Variants in ELFN2 observed in about 807,000 individuals in gnomAD.
ELFN2 encodes extracellular leucine rich repeat and fibronectin type III domain containing 2, also known as protein phosphatase 1 regulatory subunit 29.
A neutral mutation model predicts 45.5 loss-of-function variants in ELFN2; 17 were observed. The observed-to-expected ratio is 0.37, with a 90% CI of 0.26 to 0.56. ELFN2 has a LOEUF of 0.56. ELFN2 is among the 20% of genes least tolerant of loss of function. ELFN2 has a pLI of 0.77. For missense variants in ELFN2, 922 were observed against 1,183.2 expected, an observed-to-expected ratio of 0.78 and a Z score of 3.24; for synonymous variants, 550 against 551.5, an observed-to-expected ratio of 1.00 and a Z score of 0.04.
intron 2 of ELFN2, among the ~76,000 whole-genome samples, chr22:37,395,850 G>A (rs548365397): frequency 2.6e-5 from 4 of 152,184 alleles, no homozygotes; most frequent in Admixed American, 2.0e-4. Context: ...GGAGCCACCT[G>A]TTCAGGGCTC....
chr22:37,354,021 C>T (rs1465448734), intron 1 of ELFN2: 2 of 152,250 alleles, frequency 1.3e-5, no homozygotes, highest in Non-Finnish European at 2.9e-5. Flanking sequence ...AAATGTCCAT[C>T]AACGGTTGAA....
intron 1 of ELFN2, among the ~76,000 whole-genome samples, chr22:37,359,287 G>A (rs1931023977): frequency 1.3e-5 from 2 of 152,164 alleles, no homozygotes; most frequent in African/African-American, 4.8e-5. Context: ...TGAGGTCGCT[G>A]TCACTGACCC....
At chr22:37,395,345 T>C (rs2145664207) in intron 2 of ELFN2, among the ~76,000 whole-genome samples, 1 of 152,084 alleles carries the variant, frequency 6.6e-6, no homozygotes, top group East Asian at 1.9e-4. Flanking sequence ...CAGACCCAAG[T>C]AGGCATTTAC....
At chr22:37,411,651 A>G (rs1050565381) in intron 2 of ELFN2, among the ~76,000 whole-genome samples, 5 of 152,128 alleles carry the variant, frequency 3.3e-5, no homozygotes, top group African/African-American at 1.2e-4. Context: ...CCTACCTCCT[A>G]TGCTGGGTGG....
At chr22:37,425,806 C>T (rs900201777) in intron 1 of ELFN2, among the ~76,000 whole-genome samples, 3 of 151,884 alleles carry the variant, frequency 2.0e-5, no homozygotes, top group African/African-American at 7.3e-5. Context: ...ATGGCCCAGA[C>T]GTGACACGTC....
chr22:37,355,720 C>A (rs1930932945), intron 1 of ELFN2, among the ~76,000 whole-genome samples: 1 of 152,210 alleles, frequency 6.6e-6, no homozygotes, highest in South Asian at 2.1e-4. Context: ...TGAGTGCAGT[C>A]CGTGGCCGGG....
chr22:37,373,810 G>A lies in ELFN2; in HGVS notation c.1725C>T (p.Ala575=). ...CTGCAGGGAGGGACTGGCACTCGAA[G>A]GCCAGCTCGGGGTCCCCACTGCTGC... ...GGSSSGDPEL[A]FECQSLPAAA... Residue 575 remains alanine (A), a synonymous_variant, in exon 3 of 3, where the codon GCC becomes GCT. Coordinates refer to ENST00000402918, the MANE Select transcript of ELFN2 (RefSeq NM_052906.5). 1 of 1,612,462 alleles carries A rather than the reference G, an allele frequency of 6.2e-7. No homozygotes were observed. The highest frequency in any genetic ancestry group is 1.1e-5 in the South Asian group (1 of 91,068).
At position 37,427,369 on chromosome 22, in the gene ELFN2, G is replaced by A. The variant is rs2145698837; in HGVS notation, c.-685C>T. The A allele has an allele frequency of 6.5e-6, 1 of 153,622 alleles. No individual in the cohort carries two copies. Among genetic ancestry groups the A allele is most frequent in the East Asian group, 1.9e-4 (1 of 5,190 alleles). 9.5% of individuals were successfully genotyped at this position (153,622 alleles called of 1,614,324 possible). On this transcript the variant is annotated 5_prime_UTR_variant, in exon 1 of 3. Transcript: ENST00000402918. ...GCGGCCGCGGGGCCTGCGCGTGTGAGTGTGAGTGTGAATGTGAGTGTGAGC... is the reference window on the plus strand; with the variant it reads ...GCGGCCGCGGGGCCTGCGCGTGTGAATGTGAGTGTGAATGTGAGTGTGAGC...
rs1931329487 is a variant in ELFN2, at chr22:37,370,295, C to T, written c.*2777G>A. ...TAACTCCTGCTGCTGGGAACCCTCC[C>T]TGGGGCCCAGCCCAGGCGTGCTCCT... On this transcript the variant is annotated 3_prime_UTR_variant, in exon 3 of 3. Transcript: ENST00000402918. The T allele has an allele frequency of 6.6e-6, 1 of 152,238 alleles. No individual in the cohort carries two copies. 9.4% of individuals were successfully genotyped at this position (152,238 alleles called of 1,614,324 possible).
At chr22:37,413,398 C>T (rs1932699879) in intron 2 of ELFN2, among the ~76,000 whole-genome samples, 1 of 143,124 alleles carries the variant, frequency 7.0e-6, no homozygotes. Context: ...GAGATCCCGT[C>T]TCTACAAAAA....
At chr22:37,419,395 G>A (rs1932792175) in intron 1 of ELFN2, among the ~76,000 whole-genome samples, 1 of 151,866 alleles carries the variant, frequency 6.6e-6, no homozygotes, top group African/African-American at 2.4e-5. Context: ...ATCCACACAG[G>A]AGAACTTCCC....
chr22:37,343,459 G>A (rs73164574), intron 1 of ELFN2, among the ~76,000 whole-genome samples: 7,780 of 152,054 alleles, frequency 0.051, 229 homozygotes, highest in Middle Eastern at 0.14. Flanking sequence ...CCCACTCCAG[G>A]CTGCCTCCAG....
rs370109757 is a variant in ELFN2, at chr22:37,374,129, C to A, written c.1406G>T (p.Arg469Leu). ...LGEPPVLPVSRMASIPSMIGE... is the reference protein window; with the variant it reads ...LGEPPVLPVSLMASIPSMIGE... ...GATCATGGAGGGGATGGAGGCCATG[C>A]GAGATACGGGCAGCACGGGAGGCTC... Residue 469 changes from arginine (R) to leucine (L), a missense_variant, in exon 3 of 3, where the codon CGC becomes CTC. By Grantham distance (102) the Arg-to-Leu change is moderately radical. Coordinates refer to ENST00000402918, the MANE Select transcript of ELFN2 (RefSeq NM_052906.5). The A allele has an allele frequency of 1.2e-6, 2 of 1,612,798 alleles. No individual in the cohort carries two copies. Among genetic ancestry groups the A allele is most frequent in the Non-Finnish European group, 1.7e-6 (2 of 1,180,006 alleles).
At chr22:37,384,924 T>G (rs1238192017) in intron 2 of ELFN2, 1 of 152,008 alleles carries the variant, frequency 6.6e-6, no homozygotes, top group African/African-American at 2.4e-5. Context: ...CCTCCATTCA[T>G]TCATTCAATA....
chr22:37,410,042 A>G (rs1932606892), intron 2 of ELFN2, among the ~76,000 whole-genome samples: 1 of 152,174 alleles, frequency 6.6e-6, no homozygotes, highest in South Asian at 2.1e-4. Context: ...TACATGCTCC[A>G]AAACCCAGCA....
rs141432055 is a variant in ELFN2 at position 37,394,202 on chromosome 22, C to T, written c.-462-18206G>A. ...CTCTCCCTCGTCTCTCATTTCCCATCCACCTCGACACCTCTCCAGGCCACA... is the reference window on the plus strand; with the variant it reads ...CTCTCCCTCGTCTCTCATTTCCCATTCACCTCGACACCTCTCCAGGCCACA... On this transcript the variant is annotated intron_variant, in intron 2 of 2. Coordinates refer to ENST00000402918, the MANE Select transcript of ELFN2 (RefSeq NM_052906.5). Among the ~76,000 whole-genome samples the T allele has an allele frequency of 2.6e-4, 39 of 152,324 alleles. No homozygotes were observed. The East Asian group carries it at 7.3e-3, about 29-fold the overall frequency.
At chr22:37,350,127 G>A (rs1234534181) in intron 1 of ELFN2, among the ~76,000 whole-genome samples, 3 of 150,910 alleles carry the variant, frequency 2.0e-5, no homozygotes. Context: ...TCGGAGAAGG[G>A]AACCCCACAG....
chr22:37,412,678 T>C (rs1021429118), intron 2 of ELFN2, among the ~76,000 whole-genome samples: 11 of 152,226 alleles, frequency 7.2e-5, no homozygotes, highest in Admixed American at 5.2e-4. Context: ...CCCAAACAAA[T>C]GGGGTCTTGA....
intron 1 of ELFN2, among the ~76,000 whole-genome samples, chr22:37,345,022 C>CAGTCCCTGCAG: frequency 6.6e-6 from 1 of 152,206 alleles, no homozygotes; most frequent in African/African-American, 2.4e-5. Context: ...AGGGGCCACG[C>CAGTCCCTGCAG]TCCCGTCAGT....
Sources: gnomAD v4.1 joint callset for allele counts (sites outside exome capture counted in the v4.1 genomes callset) on GRCh38, gnomAD v4.1.1 for gene constraint, MANE v1.5 for transcripts, NCBI Gene and HGNC (gene_info 2026-07-23, HGNC 2026-07-21) for gene names.